Variants in CFAP47 observed in about 807,000 individuals in gnomAD.
CFAP47 encodes the protein cilia- and flagella-associated protein 47.
A neutral mutation model predicts 148.1 loss-of-function variants in CFAP47; 29 were observed. The ratio of observed to expected loss-of-function variants is 0.20; its 90% CI spans 0.15 to 0.27. The LOEUF (loss-of-function observed/expected upper bound fraction) is 0.27, where lower values mean the gene tolerates loss of function less well. Among genes scored for constraint, CFAP47 ranks in the 10% least tolerant of loss-of-function variants. CFAP47 has a pLI of 1.00. For missense variants in CFAP47, 1,872 were observed against 1,697.5 expected (o/e 1.10, Z -1.81); for synonymous variants, 664 against 577.3 (o/e 1.15, Z -2.15).
intron 37 of CFAP47, among the ~76,000 whole-genome samples, chrX:36,153,690 C>T (rs1212664608): frequency 8.9e-6 from 1 of 112,483 alleles, no homozygotes; most frequent in Non-Finnish European, 1.9e-5. Flanking sequence ...TCTGTGCTTT[C>T]TGCACCAGTG....
chrX:36,009,795 T>C (rs1937019212), intron 21 of CFAP47, among the ~76,000 whole-genome samples: 1 of 112,046 alleles, frequency 8.9e-6, no homozygotes, highest in Admixed American at 9.5e-5. Context: ...CACTTTATAA[T>C]ATTCAGCTCC....
chrX:36,203,340 A>G (rs1379101719), intron 44 of CFAP47, among the ~76,000 whole-genome samples: 5 of 110,738 alleles, frequency 4.5e-5, no homozygotes, highest in African/African-American at 1.6e-4. Flanking sequence ...ATGCCCTCCC[A>G]TTTTCTTTTT....
In CFAP47 at chrX:36,314,685, A is replaced by G. The variant is rs782462826; in HGVS notation, c.8344+3696A>G. ...ATGCTATCTATCTATCTGCCTATCTATCTATCATCTATCTATTTATCTATC... is the reference window on the plus strand; with the variant it reads ...ATGCTATCTATCTATCTGCCTATCTGTCTATCATCTATCTATTTATCTATC... On this transcript the variant is annotated intron_variant, in intron 56 of 63. Coordinates refer to ENST00000378653, the MANE Select transcript of CFAP47 (RefSeq NM_001304548.2). Among the ~76,000 whole-genome samples the G allele has an allele frequency of 4.5e-5, 5 of 111,697 alleles. 1 individual carries two copies. In the South Asian group the frequency reaches 1.9e-3, roughly 42 times the overall value.
Position 35,971,661 on chromosome X carries a change from A to C in CFAP47, c.2046A>C (p.Ser682=), listed in dbSNP as rs1182782906. 1 of 1,205,853 alleles carries C rather than the reference A, an allele frequency of 8.3e-7. No homozygotes were observed. The highest frequency in any genetic ancestry group is 1.8e-5 in the African/African-American group (1 of 57,015). Residue 682 remains serine (S), a synonymous_variant, in exon 12 of 64, where the codon TCA becomes TCC. Transcript: ENST00000378653. ...PGSGLKSPSL[S]EAEIEEELSS... is the part of the protein sequence containing the mutation. The stretch of plus-strand genomic sequence containing the variant: ...CAGGTCTAAAGTCACCCTCACTCTC[A>C]GAAGCGGAAATAGAAGAGGAGCTGT...
At chrX:36,115,473 A>G (rs1240234215) in intron 33 of CFAP47, among the ~76,000 whole-genome samples, 1 of 111,481 alleles carries the variant, frequency 9.0e-6, no homozygotes, top group African/African-American at 3.3e-5. Flanking sequence ...ATTGTTTGGC[A>G]AGGTACTACA....
chrX:36,002,453 G>A (rs891177599), intron 21 of CFAP47, among the ~76,000 whole-genome samples: 4 of 110,934 alleles, frequency 3.6e-5, no homozygotes, highest in African/African-American at 1.3e-4. Context: ...GTGGTGGCAG[G>A]CGCCTGTAAT....
chrX:36,378,438 G>A (rs1325005062), intron 62 of CFAP47, among the ~76,000 whole-genome samples: 1 of 112,360 alleles, frequency 8.9e-6, no homozygotes, highest in Non-Finnish European at 1.9e-5. Context: ...AGCTTTGCTG[G>A]TCAGTCATTT....
At chrX:36,342,061 T>C (rs1941658422) in intron 57 of CFAP47, among the ~76,000 whole-genome samples, 1 of 111,102 alleles carries the variant, frequency 9.0e-6, no homozygotes, top group African/African-American at 3.3e-5. Flanking sequence ...TTACTTAATC[T>C]AATAAATATA....
chrX:36,175,325 T>C (rs1954346666), intron 39 of CFAP47, among the ~76,000 whole-genome samples: 1 of 112,539 alleles, frequency 8.9e-6, no homozygotes, highest in African/African-American at 3.2e-5. Flanking sequence ...TCCGTCTCTT[T>C]GTTCCGTTGC....
At chrX:35,962,135 C>T (rs752724622) in intron 8 of CFAP47, among the ~76,000 whole-genome samples, 1 of 111,272 alleles carries the variant, frequency 9.0e-6, no homozygotes, top group East Asian at 2.8e-4. Flanking sequence ...TTCACATTTT[C>T]TTCTCTTATT....
chrX:35,978,454 C>T (rs1488535999), intron 15 of CFAP47, among the ~76,000 whole-genome samples: 1 of 111,713 alleles, frequency 9.0e-6, no homozygotes, highest in African/African-American at 3.2e-5. Context: ...GAGGTTTTTA[C>T]ATTTAATTTT....
At chrX:36,302,641 T>C (rs1378621522) in intron 53 of CFAP47, among the ~76,000 whole-genome samples, 3 of 112,177 alleles carry the variant, frequency 2.7e-5, no homozygotes, top group Non-Finnish European at 5.6e-5. Flanking sequence ...GATGACAAGC[T>C]GGATGCTGTA....
At chrX:36,329,410 G>A (rs1556013673) in intron 57 of CFAP47, among the ~76,000 whole-genome samples, 1 of 111,664 alleles carries the variant, frequency 9.0e-6, no homozygotes, top group Non-Finnish European at 1.9e-5. Flanking sequence ...AGAAAGGTAA[G>A]GACTTGTCAC....
chrX:36,326,238 T>A (rs1941516288), intron 57 of CFAP47, among the ~76,000 whole-genome samples: 1 of 111,082 alleles, frequency 9.0e-6, no homozygotes, highest in Admixed American at 9.7e-5. Context: ...TTGTTCAGGA[T>A]TTTTATAGTT....
intron 22 of CFAP47, among the ~76,000 whole-genome samples, chrX:36,026,463 GA>G (rs1241229169): frequency 1.8e-5 from 2 of 110,966 alleles, no homozygotes; most frequent in Admixed American, 1.9e-4. Context: ...GCTCTCTTAG[GA>G]AATTTCCAGT....
chrX:36,373,781 A>G (rs1941994909), intron 62 of CFAP47, among the ~76,000 whole-genome samples: 2 of 111,911 alleles, frequency 1.8e-5, no homozygotes, highest in Non-Finnish European at 3.8e-5. Flanking sequence ...TTATCATGAA[A>G]TGATGTTAAA....
At chrX:36,211,527 G>A (rs782217843) in intron 45 of CFAP47, 3 of 305,587 alleles carry the variant, frequency 9.8e-6, no homozygotes, top group African/African-American at 8.4e-5. Flanking sequence ...CACTGCTGCA[G>A]ATGAAAAGCA....
chrX:36,006,244 G>C (rs1311252811), intron 21 of CFAP47, among the ~76,000 whole-genome samples: 1 of 110,623 alleles, frequency 9.0e-6, no homozygotes, highest in Non-Finnish European at 1.9e-5. Flanking sequence ...TCTAGAAATT[G>C]ATCATAAAAT....
chrX:36,377,403 T>C (rs1556023173), intron 62 of CFAP47, among the ~76,000 whole-genome samples: 5 of 112,560 alleles, frequency 4.4e-5, no homozygotes. Context: ...CATGTGTCTG[T>C]TGGCTGCATA....
Sources: allele counts gnomAD v4.1 joint callset (sites outside exome capture counted in the v4.1 genomes callset), GRCh38; gene constraint gnomAD v4.1.1; transcripts MANE v1.5; gene names NCBI Gene and HGNC (gene_info 2026-07-23, HGNC 2026-07-21).